The following KIF5C variants were observed in gnomAD, a reference collection of about 807,000 sequenced individuals.
The protein encoded by KIF5C is kinesin family member 5C.
Under a neutral mutation model 125.2 loss-of-function variants are expected in KIF5C, and 18 were observed. The observed-to-expected ratio is 0.14, with a 90% CI of 0.10 to 0.21. The LOEUF (loss-of-function observed/expected upper bound fraction) is 0.21, where lower values mean the gene tolerates loss of function less well. KIF5C is among the 10% of genes least tolerant of loss of function. KIF5C has a pLI of 1.00. For missense variants in KIF5C, 780 were observed against 1,183.8 expected, an observed-to-expected ratio of 0.66 and a Z score of 5.01; for synonymous variants, 405 against 434.0, an observed-to-expected ratio of 0.93 and a Z score of 0.83.
At chr2:148,933,237 T>TA (rs1436699258) in intron 3 of KIF5C, among the ~76,000 whole-genome samples, 3 of 152,066 alleles carry the variant, frequency 2.0e-5, no homozygotes, top group Non-Finnish European at 4.4e-5. Flanking sequence ...CATCCCATAT[T>TA]ACCCATTTTA....
At chr2:148,964,082 C>T (rs931800003) in intron 11 of KIF5C, among the ~76,000 whole-genome samples, 4 of 152,124 alleles carry the variant, frequency 2.6e-5, no homozygotes, top group Non-Finnish European at 5.9e-5. Flanking sequence ...TCGAGACCCG[C>T]CTGGCCAACA....
At position 149,000,787 on chromosome 2, in the gene KIF5C, G is replaced by A; in HGVS notation, c.2373+5G>A. ...AAAGGGCTGGAGGAGACAGTGGTAT[G>A]TCAAGATATTTCCCGATTTATGTTT... On this transcript the variant is annotated splice_donor_5th_base_variant and intron_variant, in intron 21 of 25. Transcript: ENST00000435030. 6.2e-7 allele frequency: 1 copy of A among 1,613,206 alleles called. No homozygotes were observed. Among genetic ancestry groups the A allele is most frequent in the South Asian group, 1.1e-5 (1 of 90,744 alleles).
intron 11 of KIF5C, among the ~76,000 whole-genome samples, chr2:148,969,063 G>A (rs1251431120): frequency 6.6e-6 from 1 of 152,074 alleles, no homozygotes; most frequent in Non-Finnish European, 1.5e-5. Flanking sequence ...TTATGAAAAG[G>A]ATAACTAGCT....
At chr2:148,938,663 T>C (rs567506200) in intron 4 of KIF5C, among the ~76,000 whole-genome samples, 2 of 152,068 alleles carry the variant, frequency 1.3e-5, no homozygotes, top group South Asian at 2.1e-4. Context: ...GCCCCCACTG[T>C]GGCTGGGGAG....
At chr2:148,972,862 A>G (rs75264797) in intron 11 of KIF5C, among the ~76,000 whole-genome samples, 3,579 of 152,326 alleles carry the variant, frequency 0.023, 87 homozygotes, top group South Asian at 0.034. Context: ...TCTGAGCCTT[A>G]GAGTGTTCTA....
Position 148,962,011 on chromosome 2 carries a change from C to T in KIF5C, c.1009C>T (p.Leu337=). 1 of 1,613,718 alleles carries T rather than the reference C, an allele frequency of 6.2e-7. No individual in the cohort carries two copies. The change falls in exon 11 of 26, where the codon CTG becomes TTG. Residue 337 remains leucine, a synonymous_variant. Transcript: ENST00000435030. ...GAATACAGTCTCTGTGAACCTAGAA[C>T]TGACAGCAGAAGAATGGAAGAAGAA... ...IKNTVSVNLE[L]TAEEWKKKYE...
At chr2:148,925,927 C>T (rs1173801985) in intron 2 of KIF5C, among the ~76,000 whole-genome samples, 1 of 152,178 alleles carries the variant, frequency 6.6e-6, no homozygotes, top group Admixed American at 6.5e-5. Flanking sequence ...AGCCGGCATG[C>T]GGGCTGGCCT....
intron 15 of KIF5C, 122 bp downstream of exon 15, chr2:148,983,888 T>C: frequency 7.2e-6 from 9 of 1,250,068 alleles, no homozygotes; most frequent in Non-Finnish European, 9.2e-6. Context: ...TGCTGGTTAG[T>C]GTTTGAATGA....
Position 148,997,257 on chromosome 2 carries a change from A to G in KIF5C, c.2024-7A>G. 2 of 1,610,840 alleles carry G rather than the reference A, an allele frequency of 1.2e-6. No homozygotes were observed. The highest frequency in any genetic ancestry group is 4.5e-5 in the East Asian group (2 of 44,800). On this transcript the variant is annotated splice_region_variant and splice_polypyrimidine_tract_variant and intron_variant, in intron 17 of 25. Transcript: ENST00000435030. The stretch of plus-strand genomic sequence containing the variant: ...AGTCTTAAATCATCATTTAAAATTC[A>G]AAACAGAAAAAATGCACGAAGTCAG...
chr2:148,964,240 A>G lies in KIF5C; in HGVS notation c.1117+2121A>G, dbSNP rs1682996211. ...CAGTGAGCCGAGAACCCACCATTGT[A>G]CTCCAGCCTGGGCAAAAAGAGCAAA... On this transcript the variant is annotated intron_variant, in intron 11 of 25. Coordinates refer to ENST00000435030, the MANE Select transcript of KIF5C (RefSeq NM_004522.3). Among the ~76,000 whole-genome samples, 10 of 150,690 alleles carry G rather than the reference A, an allele frequency of 6.6e-5. No homozygotes were observed. In the South Asian group the frequency reaches 1.9e-3, roughly 29 times the overall value.
At chr2:148,992,585 TA>T (rs1184102969) in intron 16 of KIF5C, among the ~76,000 whole-genome samples, 1 of 152,162 alleles carries the variant, frequency 6.6e-6, no homozygotes, top group East Asian at 1.9e-4. Context: ...GCAGCTCTTA[TA>T]AAAAATGTAA....
intron 1 of KIF5C, among the ~76,000 whole-genome samples, chr2:148,903,868 AT>A (rs903790617): frequency 9.2e-5 from 14 of 151,956 alleles, no homozygotes; most frequent in Middle Eastern, 3.4e-3. Flanking sequence ...TTGGGAAGTT[AT>A]TTTTTTTCCC....
chr2:148,975,915 T>C (rs188170074), intron 12 of KIF5C, among the ~76,000 whole-genome samples: 1 of 152,296 alleles, frequency 6.6e-6, no homozygotes, highest in Non-Finnish European at 1.5e-5. Context: ...CCAGTAAATA[T>C]TAGCTTCCTT....
intron 1 of KIF5C, among the ~76,000 whole-genome samples, chr2:148,906,176 C>T (rs1484228176): frequency 1.3e-5 from 2 of 152,124 alleles, no homozygotes; most frequent in African/African-American, 2.4e-5. Flanking sequence ...AGGGAAGCTG[C>T]GTCTTCTCTT....
At chr2:148,972,192 A>G (rs1680935116) in intron 11 of KIF5C, among the ~76,000 whole-genome samples, 1 of 152,130 alleles carries the variant, frequency 6.6e-6, no homozygotes, top group Non-Finnish European at 1.5e-5. Context: ...GCCTCAAGTT[A>G]TCTGCTCGTC....
intron 1 of KIF5C, among the ~76,000 whole-genome samples, chr2:148,910,912 G>A (rs1377876619): frequency 6.6e-6 from 1 of 152,222 alleles, no homozygotes; most frequent in Admixed American, 6.5e-5. Context: ...CATGATGGTG[G>A]TGAGGGACAA....
rs1330549271 is a variant in KIF5C at position 148,876,666 on chromosome 2, G to T, written c.126+923G>T. Among the ~76,000 whole-genome samples, 1 of 152,076 alleles carries T rather than the reference G, an allele frequency of 6.6e-6. No individual in the cohort carries two copies. ...CTCTCTGCAGCTGGGGCTGCTGGTA[G>T]GGGGAGGGAACACCAATGGATTGTA... On this transcript the variant is annotated intron_variant, in intron 1 of 25. Transcript: ENST00000435030. This position sits in a 1 kb window ranked among gnomAD's most constrained non-coding sequence, Gnocchi z 4.7.
intron 3 of KIF5C, chr2:148,935,074 C>T: frequency 2.4e-6 from 1 of 415,008 alleles, no homozygotes; most frequent in Non-Finnish European, 4.8e-6. Context: ...TGCTTCTGTT[C>T]CTGTGGGGAT....
At chr2:148,905,997 C>T (rs1235202778) in intron 1 of KIF5C, among the ~76,000 whole-genome samples, 3 of 152,108 alleles carry the variant, frequency 2.0e-5, no homozygotes, top group South Asian at 2.1e-4. Flanking sequence ...TCAATTACCT[C>T]CCACAGGGTA....
Sources: allele counts gnomAD v4.1 joint callset (sites outside exome capture counted in the v4.1 genomes callset), GRCh38; gene constraint gnomAD v4.1.1; non-coding constraint Gnocchi (gnomAD v3.1); transcripts MANE v1.5; gene names NCBI Gene and HGNC (gene_info 2026-07-23, HGNC 2026-07-21).